PURG: variants seen among roughly 807,000 people sequenced by gnomAD.
The protein encoded by PURG is purine-rich element-binding protein gamma.
In PURG, 3 loss-of-function variants were observed where a neutral mutation model predicts 24.3. That is an observed-to-expected ratio of 0.12 (90% CI 0.06 to 0.32). The LOEUF (loss-of-function observed/expected upper bound fraction) is 0.32. Ranked by LOEUF, PURG falls within the 10% of genes least tolerant of loss-of-function variation. PURG has a pLI of 1.00. For synonymous variants in PURG, 180 were observed against 173.1 expected (o/e 1.04, Z -0.31); for missense variants, 371 against 439.1 (o/e 0.84, Z 1.39).
downstream of PURG, among the ~76,000 whole-genome samples, chr8:31,029,984 T>G (rs1416500949): frequency 6.6e-6 from 1 of 151,924 alleles, no homozygotes; most frequent in Non-Finnish European, 1.5e-5. Context: ...TGAGATTCCT[T>G]CACGCTACTA....
chr8:31,032,919 C>A lies in PURG; in HGVS notation c.-6-131G>T. Reference sequence around the variant, plus strand: ...GCCGGGCCCGGCTCCCCCGGCGCCGCAGCGCGGGGCTCCAGCCACTGCCGG... The same window carrying A: ...GCCGGGCCCGGCTCCCCCGGCGCCGAAGCGCGGGGCTCCAGCCACTGCCGG... On this transcript the variant is annotated intron_variant, in intron 1 of 1. Transcript: ENST00000523392. This position sits in a 1 kb window ranked among gnomAD's most constrained non-coding sequence, Gnocchi z 5.9. 1 of 560,292 alleles carries A rather than the reference C, an allele frequency of 1.8e-6. No homozygotes were observed. Among genetic ancestry groups the A allele is most frequent in the Non-Finnish European group, 2.4e-6 (1 of 409,452 alleles). The allele number at this position is 560,292 out of a possible 1,614,324, so 34.7% of individuals were successfully genotyped here. A position where few individuals can be genotyped will look rare whatever the true frequency, so the allele number is the denominator to read the frequency against.
chr8:31,029,318 T>C (rs1318329259), downstream of PURG, among the ~76,000 whole-genome samples: 1 of 151,804 alleles, frequency 6.6e-6, no homozygotes, highest in Non-Finnish European at 1.5e-5. Flanking sequence ...AGCTTTGAGA[T>C]GGTAAAAACT....
At chr8:31,005,446 AAAAGAAAAG>A (rs1445927091) in intron 1 of PURG, among the ~76,000 whole-genome samples, 1 of 150,974 alleles carries the variant, frequency 6.6e-6, no homozygotes, top group South Asian at 2.1e-4. Context: ...AACAAAAAAA[AAAAGAAAAG>A]AAAAGAAAAG....
chr8:31,015,324 T>C (rs1372687205), intron 1 of PURG, among the ~76,000 whole-genome samples: 2 of 152,192 alleles, frequency 1.3e-5, no homozygotes, highest in South Asian at 2.1e-4. Flanking sequence ...TTTTATGCTA[T>C]GCATTTTTTT....
chr8:31,010,061 C>T (rs1010060703), intron 1 of PURG, among the ~76,000 whole-genome samples: 1 of 151,944 alleles, frequency 6.6e-6, no homozygotes, highest in Non-Finnish European at 1.5e-5. Flanking sequence ...TGCACCACTG[C>T]ACTCCGGCCT....
intron 1 of PURG, among the ~76,000 whole-genome samples, chr8:31,019,056 G>A (rs1329574651): frequency 1.1e-4 from 15 of 134,134 alleles, no homozygotes; most frequent in Middle Eastern, 4.5e-3. Flanking sequence ...CCCGGGAGGC[G>A]GAGCTTGCAG....
chr8:31,028,094 C>A (rs1003678285), downstream of PURG, among the ~76,000 whole-genome samples: 7 of 151,718 alleles, frequency 4.6e-5, no homozygotes, highest in Admixed American at 3.9e-4. Context: ...TTTGTCTAGA[C>A]AAATTCCCCA....
At chr8:31,016,592 A>AC (rs1810874537) in intron 1 of PURG, among the ~76,000 whole-genome samples, 1 of 141,738 alleles carries the variant, frequency 7.1e-6, no homozygotes, top group African/African-American at 2.5e-5. Flanking sequence ...AAAAAAAAAA[A>AC]AAAAAAAAAA....
In PURG at chr8:30,996,694, T is replaced by C. The variant is rs760850633; in HGVS notation, c.868A>G (p.Thr290Ala). The C allele has an allele frequency of 7.5e-6, 12 of 1,605,442 alleles. No individual in the cohort carries two copies. In the Admixed American group the frequency reaches 1.0e-4, roughly 14 times the overall value. The stretch of plus-strand genomic sequence containing the variant: ...TTCTCTCTGGATTTGGGGTAATTTG[T>C]GAGCTAAAGAAAAAATATTAATTTG... Residue 290 changes from threonine (T) to alanine (A), a missense_variant, in exon 2 of 2, where the codon ACA becomes GCA. Thr to Ala is a moderately conservative substitution (Grantham distance 58). Coordinates refer to the PURG transcript ENST00000339382.
chr8:31,028,473 T>A (rs901072100), downstream of PURG, among the ~76,000 whole-genome samples: 5 of 151,846 alleles, frequency 3.3e-5, no homozygotes, highest in Non-Finnish European at 7.4e-5. Flanking sequence ...ACTGACAGAT[T>A]GTCTGCCTGG....
intron 1 of PURG, among the ~76,000 whole-genome samples, chr8:31,009,686 A>T (rs1194693394): frequency 2.0e-5 from 3 of 152,196 alleles, no homozygotes; most frequent in Non-Finnish European, 4.4e-5. Context: ...AATGTGATTA[A>T]ATTTTGCATG....
downstream of PURG, among the ~76,000 whole-genome samples, chr8:31,029,429 T>G (rs1163536488): frequency 6.6e-6 from 1 of 151,734 alleles, no homozygotes; most frequent in Non-Finnish European, 1.5e-5. Context: ...ATACAATGAG[T>G]TAAAGATATT....
intron 1 of PURG, among the ~76,000 whole-genome samples, chr8:31,016,709 C>A (rs1810879163): frequency 6.6e-6 from 1 of 151,316 alleles, no homozygotes; most frequent in African/African-American, 2.4e-5. Flanking sequence ...AATTTCTGAA[C>A]CCCTCTCTTG....
chr8:31,002,263 T>C (rs1292172211), intron 1 of PURG, among the ~76,000 whole-genome samples: 3 of 152,216 alleles, frequency 2.0e-5, no homozygotes, highest in African/African-American at 7.2e-5. Context: ...CTTGATGATG[T>C]TGAAAGTCTC....
intron 1 of PURG, among the ~76,000 whole-genome samples, chr8:31,016,598 A>C (rs1292402870): frequency 6.9e-6 from 1 of 144,656 alleles, no homozygotes; most frequent in Non-Finnish European, 1.5e-5. Context: ...AAAAAAAAAA[A>C]AAAAAAAAAA....
At chr8:31,011,670 T>C (rs1184945215) in intron 1 of PURG, among the ~76,000 whole-genome samples, 3 of 152,122 alleles carry the variant, frequency 2.0e-5, no homozygotes, top group African/African-American at 7.2e-5. Context: ...ATGAACAAAA[T>C]GATACTGTAA....
intron 1 of PURG, among the ~76,000 whole-genome samples, chr8:31,025,407 T>C (rs890176286): frequency 2.6e-5 from 4 of 152,000 alleles, no homozygotes; most frequent in Admixed American, 2.6e-4. Flanking sequence ...CTCTTTCATT[T>C]TGTAAACAGG....
At chr8:31,007,237 T>C (rs761337224) in intron 1 of PURG, among the ~76,000 whole-genome samples, 4 of 152,168 alleles carry the variant, frequency 2.6e-5, no homozygotes, top group Non-Finnish European at 5.9e-5. Context: ...AGCTAGATTA[T>C]AGAAAAAAAT....
At chr8:31,017,836 AAAGAT>A (rs1186139094) in intron 1 of PURG, among the ~76,000 whole-genome samples, 1 of 152,172 alleles carries the variant, frequency 6.6e-6, no homozygotes, top group Non-Finnish European at 1.5e-5. Flanking sequence ...AAAAATGGAG[AAAGAT>A]ATTATAGATG....
Sources: gnomAD v4.1 joint callset for allele counts (sites outside exome capture counted in the v4.1 genomes callset) on GRCh38, gnomAD v4.1.1 for gene constraint, Gnocchi (gnomAD v3.1) non-coding constraint, MANE v1.5 for transcripts, NCBI Gene and HGNC (gene_info 2026-07-23, HGNC 2026-07-21) for gene names.